The following SMIM27 variants were observed in gnomAD, a reference collection of about 807,000 sequenced individuals.
The protein encoded by SMIM27 is transition zone microprotein 1.
Under a neutral mutation model 1.8 loss-of-function variants are expected in SMIM27, and 3 were observed. That is an observed-to-expected ratio of 1.65 (90% confidence interval 0.75 to 4.28). The LOEUF is 4.28. Among genes scored for constraint, SMIM27 ranks in the 30% most tolerant of loss-of-function variants. The pLI is 0.02. For synonymous variants in SMIM27, 19 were observed against 13.9 expected (o/e 1.37, Z -0.82); for missense variants, 63 against 37.0 (o/e 1.70, Z -1.83).
chr9:32,563,823 T>A (rs1821699721), intron 1 of SMIM27, among the ~76,000 whole-genome samples: 1 of 152,256 alleles, frequency 6.6e-6, no homozygotes, highest in Non-Finnish European at 1.5e-5. Flanking sequence ...CATCTATTAC[T>A]ATCATTATTT....
chr9:32,552,562 A>C (rs562453649), intron 1 of SMIM27, 83 bp downstream of exon 1: 11 of 1,249,686 alleles, frequency 8.8e-6, no homozygotes, highest in African/African-American at 7.4e-5. Context: ...CAGCACCCAG[A>C]AACTCCAAAA....
At chr9:32,563,560 G>A (rs1224742197) in intron 1 of SMIM27, among the ~76,000 whole-genome samples, 1 of 139,804 alleles carries the variant, frequency 7.2e-6, no homozygotes, top group Non-Finnish European at 1.5e-5. Flanking sequence ...TTGGCCTCAA[G>A]CAGTCCTCCC....
intron 1 of SMIM27, among the ~76,000 whole-genome samples, chr9:32,562,345 G>A (rs533269782): frequency 1.4e-4 from 22 of 152,234 alleles, no homozygotes; most frequent in South Asian, 6.2e-4. Flanking sequence ...CTTAGTACAC[G>A]GAACAAAGAT....
At chr9:32,559,454 T>A (rs1821566508) in intron 1 of SMIM27, among the ~76,000 whole-genome samples, 1 of 152,222 alleles carries the variant, frequency 6.6e-6, no homozygotes, top group African/African-American at 2.4e-5. Flanking sequence ...TTTTAAGATA[T>A]GTCACTCTGC....
exon 2 of SMIM27, chr9:32,566,429 T>C: frequency 1.2e-6 from 1 of 846,066 alleles, no homozygotes; most frequent in Non-Finnish European, 2.1e-6. Context: ...TCCCTGTTAC[T>C]GTAGGGGTTG....
chr9:32,553,597 TAAG>T, downstream of SMIM27: 1 of 375,600 alleles, frequency 2.7e-6, no homozygotes, highest in African/African-American at 2.1e-5. Flanking sequence ...AAGTACTGTG[TAAG>T]AAAAAAACAA....
At chr9:32,557,211 C>G (rs1314808332), downstream of SMIM27, among the ~76,000 whole-genome samples, 4 of 145,814 alleles carry the variant, frequency 2.7e-5, no homozygotes, top group African/African-American at 1.0e-4. Flanking sequence ...GTGACCCAGG[C>G]TGGAGTGCAG....
downstream of SMIM27, among the ~76,000 whole-genome samples, chr9:32,556,544 G>C (rs1821460202): frequency 6.6e-6 from 1 of 152,182 alleles, no homozygotes; most frequent in Non-Finnish European, 1.5e-5. Context: ...TATATACAAT[G>C]AGCATTCTTC....
intron 1 of SMIM27, among the ~76,000 whole-genome samples, chr9:32,559,844 CTCAA>C (rs1448956648): frequency 2.0e-5 from 3 of 152,276 alleles, no homozygotes; most frequent in African/African-American, 7.2e-5. Flanking sequence ...AGGGGAGGGA[CTCAA>C]TCTGCTCTGT....
intron 1 of SMIM27, chr9:32,558,866 GA>G: frequency 7.5e-7 from 1 of 1,338,192 alleles, no homozygotes; most frequent in Non-Finnish European, 1.0e-6. Context: ...AAAGGAAAGA[GA>G]AAAACAATAA....
At chr9:32,566,778 T>C in exon 2 of SMIM27, 1 of 905,500 alleles carries the variant, frequency 1.1e-6, no homozygotes, top group Non-Finnish European at 1.8e-6. Flanking sequence ...TGCGACGTTC[T>C]GGCTGACGTT....
downstream of SMIM27, chr9:32,553,839 C>G: frequency 7.4e-7 from 1 of 1,356,834 alleles, no homozygotes; most frequent in Non-Finnish European, 1.0e-6. Flanking sequence ...TAGGAACAAA[C>G]TTAGGCTCAT....
At chr9:32,564,755 G>A in intron 1 of SMIM27, among the ~76,000 whole-genome samples, 1 of 152,190 alleles carries the variant, frequency 6.6e-6, no homozygotes, top group East Asian at 1.9e-4. Context: ...GATAAATGGA[G>A]CAGGAGCAGG....
downstream of SMIM27, chr9:32,553,217 C>G (rs866531479): frequency 2.1e-5 from 5 of 240,592 alleles, no homozygotes; most frequent in Admixed American, 1.6e-4. Flanking sequence ...TTTTTTGAGA[C>G]GGAGTCTTGC....
intron 1 of SMIM27, among the ~76,000 whole-genome samples, chr9:32,563,805 G>A (rs977365473): frequency 1.1e-4 from 17 of 151,864 alleles, no homozygotes; most frequent in African/African-American, 4.1e-4. Flanking sequence ...TTTTATTCAG[G>A]TGACTATCAT....
chr9:32,561,882 G>A (rs1225041443), intron 1 of SMIM27, among the ~76,000 whole-genome samples: 1 of 152,162 alleles, frequency 6.6e-6, no homozygotes. Flanking sequence ...GCCTCCAGCT[G>A]ATCTGCCCTG....
At chr9:32,552,710 A>AT (rs1401770302) in intron 1 of SMIM27, 91 bp from the exon 2 acceptor site, 1 of 666,128 alleles carries the variant, frequency 1.5e-6, no homozygotes. Flanking sequence ...TGTTACTTTA[A>AT]TTCCCACCTT....
At chr9:32,563,324 CTCTTTTTTTTTTAATTT>C (rs1252286686) in intron 1 of SMIM27, among the ~76,000 whole-genome samples, 1 of 151,744 alleles carries the variant, frequency 6.6e-6, no homozygotes, top group Non-Finnish European at 1.5e-5. Context: ...TATTAGCATC[CTCTTTTTTTTTTAATTT>C]TCTTTTTTTG....
downstream of SMIM27, among the ~76,000 whole-genome samples, chr9:32,557,529 G>T (rs1821500917): frequency 6.6e-6 from 1 of 151,500 alleles, no homozygotes; most frequent in African/African-American, 2.4e-5. Context: ...TCTGAGGCTG[G>T]AGTGCAGTGC....
Sources: gnomAD v4.1 joint callset for allele counts (sites outside exome capture counted in the v4.1 genomes callset) on GRCh38, gnomAD v4.1.1 for gene constraint, MANE v1.5 for transcripts, NCBI Gene and HGNC (gene_info 2026-07-23, HGNC 2026-07-21) for gene names.